Variants in MECOM observed in about 807,000 individuals in gnomAD.
MECOM encodes histone-lysine N-methyltransferase MECOM.
MECOM carries 13 observed loss-of-function variants against 116.3 expected under a neutral mutation model. The observed-to-expected ratio is 0.11, with a 90% CI of 0.07 to 0.18. The LOEUF (loss-of-function observed/expected upper bound fraction) is 0.18, where lower values mean the gene tolerates loss of function less well. Among genes scored for constraint, MECOM ranks in the 10% least tolerant of loss-of-function variants. MECOM has a pLI of 1.00. For missense variants in MECOM, 1,299 were observed against 1,509.0 expected (o/e 0.86, Z 2.31); for synonymous variants, 528 against 535.2 (o/e 0.99, Z 0.19).
chr3:169,629,982 C>T lies in MECOM; in HGVS notation c.37+33354G>A, dbSNP rs561122464. Among the ~76,000 whole-genome samples the T allele has an allele frequency of 7.2e-5, 11 of 152,334 alleles. No individual in the cohort carries two copies. In the East Asian group the frequency reaches 1.5e-3, roughly 21 times the overall value. ...CAACCCACCTCTCCCAGCCCTTCTG[C>T]GGAGCCCTGCCAAGGACTAGTCCCA... On this transcript the variant is annotated intron_variant, in intron 1 of 16. Transcript: ENST00000651503.
intron 2 of MECOM, among the ~76,000 whole-genome samples, chr3:169,187,273 T>G (rs1441249855): frequency 6.6e-6 from 1 of 152,014 alleles, no homozygotes; most frequent in East Asian, 1.9e-4. Context: ...ACTGACAGAG[T>G]TTCAATTTAA....
intron 1 of MECOM, chr3:169,484,072 C>T: frequency 2.0e-6 from 2 of 987,114 alleles, no homozygotes; most frequent in Admixed American, 3.9e-5. Context: ...AGCTACCAGG[C>T]ATTTAAAATA....
chr3:169,195,832 T>G (rs1022593600), intron 2 of MECOM, among the ~76,000 whole-genome samples: 9 of 152,182 alleles, frequency 5.9e-5, no homozygotes, highest in African/African-American at 1.9e-4. Context: ...ATCCTCGCTC[T>G]GTCAAGAGGC....
At chr3:169,640,717 T>C (rs1170425908) in intron 1 of MECOM, among the ~76,000 whole-genome samples, 1 of 152,084 alleles carries the variant, frequency 6.6e-6, no homozygotes, top group African/African-American at 2.4e-5. Flanking sequence ...GTTATAGAGG[T>C]GATGTCAATG....
chr3:169,654,673 A>G (rs1775307695), intron 1 of MECOM, among the ~76,000 whole-genome samples: 1 of 152,190 alleles, frequency 6.6e-6, no homozygotes, highest in South Asian at 2.1e-4. Context: ...AGGGGAGGGA[A>G]TGCTTCAGTT....
Position 169,611,456 on chromosome 3 carries a change from T to C in MECOM, c.37+51880A>G, listed in dbSNP as rs1249511718. Among the ~76,000 whole-genome samples, 1 of 152,208 alleles carries C rather than the reference T, an allele frequency of 6.6e-6. No individual in the cohort carries two copies. The highest frequency in any genetic ancestry group is 2.4e-5 in the African/African-American group (1 of 41,458). On this transcript the variant is annotated intron_variant, in intron 1 of 16. Transcript: ENST00000651503. The surrounding 1 kb of genome is among the most constrained non-coding windows in gnomAD (Gnocchi z 4.1). ...CATCAATGTCTGATGAATGAATGAATGATGGAATAAACACCAACATGGGCA... is the reference window on the plus strand; with the variant it reads ...CATCAATGTCTGATGAATGAATGAACGATGGAATAAACACCAACATGGGCA...
intron 1 of MECOM, among the ~76,000 whole-genome samples, chr3:169,622,307 G>T (rs1770842594): frequency 6.6e-6 from 1 of 152,134 alleles, no homozygotes; most frequent in Non-Finnish European, 1.5e-5. Flanking sequence ...GGCCAAGCTG[G>T]TCTTGAACTC....
chr3:169,507,151 C>T (rs2109006673), intron 1 of MECOM, among the ~76,000 whole-genome samples: 1 of 152,322 alleles, frequency 6.6e-6, no homozygotes, highest in South Asian at 2.1e-4. Flanking sequence ...TAGCACTAGT[C>T]TTCCTGTACA....
At chr3:169,149,935 C>CTCTCTGTGTGTG (rs1226990755) in intron 2 of MECOM, among the ~76,000 whole-genome samples, 5 of 131,234 alleles carry the variant, frequency 3.8e-5, no homozygotes, top group Non-Finnish European at 8.0e-5. Context: ...TTCTCTCTCT[C>CTCTCTGTGTGTG]TGTGTGTGTG....
At chr3:169,663,109 G>C (rs981132040) in intron 1 of MECOM, among the ~76,000 whole-genome samples, 3 of 150,030 alleles carry the variant, frequency 2.0e-5, no homozygotes, top group Non-Finnish European at 3.0e-5. Context: ...CGGTGCGCGG[G>C]ACTGAGGGCT....
intron 2 of MECOM, among the ~76,000 whole-genome samples, chr3:169,292,968 A>T (rs1056733972): frequency 6.6e-6 from 1 of 152,130 alleles, no homozygotes; most frequent in Admixed American, 6.6e-5. Context: ...AGACCTAAAA[A>T]AGGACCCAAT....
chr3:169,253,790 T>G (rs1378626486), intron 2 of MECOM, among the ~76,000 whole-genome samples: 2 of 152,048 alleles, frequency 1.3e-5, no homozygotes, highest in African/African-American at 2.4e-5. Flanking sequence ...AAAGGAACCC[T>G]AACAAAAGAG....
intron 2 of MECOM, among the ~76,000 whole-genome samples, chr3:169,164,701 G>A (rs1275764185): frequency 6.6e-6 from 1 of 152,062 alleles, no homozygotes; most frequent in East Asian, 1.9e-4. Context: ...GTCATAAAAT[G>A]TATGCTAATA....
intron 1 of MECOM, among the ~76,000 whole-genome samples, chr3:169,600,806 G>A (rs1767751405): frequency 6.6e-6 from 1 of 152,164 alleles, no homozygotes; most frequent in Non-Finnish European, 1.5e-5. Context: ...TTTTGGCTGA[G>A]CTCCAAGACA....
rs575683188 is a variant in MECOM, at chr3:169,210,992, T to C, written c.376-67160A>G. On this transcript the variant is annotated intron_variant, in intron 2 of 16. Coordinates refer to ENST00000651503, the MANE Select transcript of MECOM (RefSeq NM_004991.4). ...TCTTGTTTATTCTAGTACATGAAAA[T>C]ATCAAAGGGATTTATTCTTTCAACT... Among the ~76,000 whole-genome samples, 9 of 152,274 alleles carry C rather than the reference T, an allele frequency of 5.9e-5. No individual in the cohort carries two copies. In the East Asian group the frequency reaches 1.5e-3, roughly 26 times the overall value.
chr3:169,121,056 A>T lies in MECOM; in HGVS notation c.1132T>A (p.Cys378Ser). Reference protein sequence around the residue: ...HIHSSVKPFICEVCHKSYTQF... With the variant: ...HIHSSVKPFISEVCHKSYTQF... ...GAGGGCTGGAGTGTTGAAAACTTAC[A>T]GATAAAGGGCTTCACACTGCTGTGG... Residue 378 changes from cysteine to serine, a missense_variant and splice_region_variant, in exon 7 of 17, where the codon TGT becomes AGT. Transcript: ENST00000651503. The T allele has an allele frequency of 6.3e-7, 1 of 1,599,548 alleles. No homozygotes were observed. Among genetic ancestry groups the T allele is most frequent in the Non-Finnish European group, 8.6e-7 (1 of 1,169,434 alleles).
chr3:169,580,781 G>C (rs1433741091), intron 1 of MECOM, among the ~76,000 whole-genome samples: 1 of 152,160 alleles, frequency 6.6e-6, no homozygotes, highest in South Asian at 2.1e-4. Context: ...GTGTTCTCTA[G>C]AAATCAATAT....
rs769620374 is a variant in MECOM at position 169,084,887 on chromosome 3, A to T, written c.*22T>A. ...CCATGCTACTGTTGGACTTGGTCCC[A>T]CTCTGGTCAACCTTGATAACGTCAT... On this transcript the variant is annotated 3_prime_UTR_variant, in exon 17 of 17. Transcript: ENST00000651503. 6.2e-7 allele frequency: 1 copy of T among 1,613,836 alleles called. No individual in the cohort carries two copies.
chr3:169,093,390 T>A (rs1051888936), intron 13 of MECOM, among the ~76,000 whole-genome samples: 2 of 152,188 alleles, frequency 1.3e-5, no homozygotes, highest in Non-Finnish European at 2.9e-5. Flanking sequence ...ATGAGAATAT[T>A]TGTATTCACA....
Sources: allele counts gnomAD v4.1 joint callset (sites outside exome capture counted in the v4.1 genomes callset), GRCh38; gene constraint gnomAD v4.1.1; non-coding constraint Gnocchi (gnomAD v3.1); transcripts MANE v1.5; gene names NCBI Gene and HGNC (gene_info 2026-07-23, HGNC 2026-07-21).